The following ATP8A2 variants were observed in gnomAD, a reference collection of about 807,000 sequenced individuals.
ATP8A2 encodes phospholipid-transporting ATPase IB.
ATP8A2 carries 100 observed loss-of-function variants against 165.6 expected under a neutral mutation model. That is an observed-to-expected ratio of 0.60 (90% CI 0.51 to 0.71). The LOEUF (loss-of-function observed/expected upper bound fraction) is 0.71. ATP8A2 is among the 30% of genes least tolerant of loss of function. ATP8A2 has a pLI of 0.00. For synonymous variants in ATP8A2, 543 were observed against 548.8 expected, an observed-to-expected ratio of 0.99 and a Z score of 0.15; for missense variants, 1,227 against 1,479.5, an observed-to-expected ratio of 0.83 and a Z score of 2.80.
intron 16 of ATP8A2, chr13:25,567,332 TC>T: frequency 2.2e-6 from 1 of 456,760 alleles, no homozygotes. Flanking sequence ...CACTGCTTTT[TC>T]CTGACTCCTC....
chr13:25,640,025 G>T (rs1353498770), intron 24 of ATP8A2, among the ~76,000 whole-genome samples: 2 of 152,094 alleles, frequency 1.3e-5, no homozygotes, highest in African/African-American at 4.8e-5. Context: ...ACAAAATGAA[G>T]GCAGAAATAA....
rs148105277 is a variant in ATP8A2, at chr13:25,977,071, G to A, written c.3377+8392G>A. 9.5e-3 allele frequency among the ~76,000 whole-genome samples: 973 copies of A among 102,370 alleles called. 12 individuals carry two copies. The highest frequency in any genetic ancestry group is 0.036 in the African/African-American group (945 of 26,072). 67.2% of individuals were successfully genotyped at this position (102,370 alleles called of 152,430 possible). A position where few individuals can be genotyped will look rare whatever the true frequency, so the allele number is the denominator to read the frequency against. ...CCTTCCCTGCCCTCGGCCTCCTAAA[G>A]TGCTAGGATTACAGGCATGAACCAC... On this transcript the variant is annotated intron_variant, in intron 35 of 36. Transcript: ENST00000381655.
chr13:25,899,393 T>A (rs1386880414), intron 33 of ATP8A2, among the ~76,000 whole-genome samples: 1 of 152,222 alleles, frequency 6.6e-6, no homozygotes, highest in South Asian at 2.1e-4. Context: ...AAATTGAGAA[T>A]ATAGAACCTG....
intron 33 of ATP8A2, among the ~76,000 whole-genome samples, chr13:25,937,613 G>A (rs1188718356): frequency 1.3e-5 from 2 of 151,086 alleles, no homozygotes; most frequent in Non-Finnish European, 3.0e-5. Flanking sequence ...ACTTTGGGAG[G>A]CTGAGGCTGG....
chr13:25,631,779 G>A (rs1392233361), intron 24 of ATP8A2, among the ~76,000 whole-genome samples: 1 of 152,116 alleles, frequency 6.6e-6, no homozygotes, highest in Non-Finnish European at 1.5e-5. Flanking sequence ...ACTTCTTGCA[G>A]CTTTACATAG....
chr13:25,489,294 A>C (rs2036448110), intron 2 of ATP8A2, among the ~76,000 whole-genome samples: 1 of 151,996 alleles, frequency 6.6e-6, no homozygotes, highest in South Asian at 2.1e-4. Context: ...TGCAGCCTTT[A>C]ATCACGGCAC....
chr13:25,440,456 C>T (rs1385169550), intron 1 of ATP8A2, among the ~76,000 whole-genome samples: 1 of 152,154 alleles, frequency 6.6e-6, no homozygotes, highest in East Asian at 1.9e-4. Context: ...GCCAGGTGAA[C>T]TAGAACAGGA....
chr13:25,435,576 G>A (rs1593303651), intron 1 of ATP8A2, among the ~76,000 whole-genome samples: 1 of 152,100 alleles, frequency 6.6e-6, no homozygotes, highest in African/African-American at 2.4e-5. Context: ...CTTCTCAGGT[G>A]TAAATGTCAC....
chr13:25,740,186 G>C lies in ATP8A2; in HGVS notation c.2385-28860G>C, dbSNP rs550034847. ...TAGCTAGGCGTGGTGGTGGGCGCCT[G>C]TAGTCCCAGCTTCTCAGGAGGCTGA... is the stretch of plus-strand genomic sequence containing the variant. On this transcript the variant is annotated intron_variant, in intron 25 of 36. Transcript: ENST00000381655. 5.9e-5 allele frequency among the ~76,000 whole-genome samples: 9 copies of C among 152,000 alleles called. No homozygotes were observed. In the South Asian group the frequency reaches 1.9e-3, roughly 32 times the overall value.
rs1015244760 is a variant in ATP8A2, at chr13:25,612,100, T to C, written c.2211+22401T>C. ...TTCAAAGAACCAGCTTTTCATTTCA[T>C]TTATCTTTTGTATTTTTTTGTTTCA... On this transcript the variant is annotated intron_variant, in intron 24 of 36. Transcript: ENST00000381655. Among the ~76,000 whole-genome samples the C allele has an allele frequency of 6.0e-4, 92 of 152,278 alleles. 1 individual carries two copies. The highest frequency in any genetic ancestry group is 2.1e-3 in the African/African-American group (88 of 41,584).
Position 25,607,708 on chromosome 13 carries a change from A to G in ATP8A2, c.2211+18009A>G, listed in dbSNP as rs543373122. ...TATTTCTGAAACAGTGTTTTTAAAA[A>G]TGTTAACAAGCATTTTTGGGAGAAT... On this transcript the variant is annotated intron_variant, in intron 24 of 36. Transcript: ENST00000381655. Among the ~76,000 whole-genome samples the G allele has an allele frequency of 3.3e-5, 5 of 152,332 alleles. No individual in the cohort carries two copies. In the East Asian group the frequency reaches 9.6e-4, roughly 29 times the overall value.
chr13:25,916,225 T>C (rs1046698655), intron 33 of ATP8A2, among the ~76,000 whole-genome samples: 1 of 152,226 alleles, frequency 6.6e-6, no homozygotes, highest in Non-Finnish European at 1.5e-5. Flanking sequence ...TAAATATGCC[T>C]TTGAACAGGC....
intron 27 of ATP8A2, among the ~76,000 whole-genome samples, chr13:25,794,860 C>CACACA (rs1566145784): frequency 2.0e-5 from 3 of 148,542 alleles, no homozygotes; most frequent in East Asian, 2.0e-4. Context: ...CACACACACA[C>CACACA]CTTCTCTCTC....
intron 25 of ATP8A2, among the ~76,000 whole-genome samples, chr13:25,736,571 A>C (rs763618284): frequency 2.0e-5 from 3 of 152,186 alleles, no homozygotes; most frequent in Non-Finnish European, 4.4e-5. Context: ...GGTCAGTGTA[A>C]CTTTTCTGTA....
chr13:25,984,621 C>A (rs7988051), intron 35 of ATP8A2, among the ~76,000 whole-genome samples: 32,312 of 147,758 alleles, frequency 0.22, 4,280 homozygotes, highest in East Asian at 0.55. Flanking sequence ...CAAACAAAAA[C>A]AACAAACAAA....
At chr13:25,476,704 T>C (rs1049412453) in intron 2 of ATP8A2, among the ~76,000 whole-genome samples, 2 of 152,258 alleles carry the variant, frequency 1.3e-5, no homozygotes, top group Non-Finnish European at 2.9e-5. Flanking sequence ...AAGTATTCCT[T>C]ATCAAGAGTA....
At chr13:25,476,013 CTTAAGT>C (rs1214987883) in intron 2 of ATP8A2, among the ~76,000 whole-genome samples, 4 of 152,092 alleles carry the variant, frequency 2.6e-5, no homozygotes, top group Admixed American at 1.3e-4. Flanking sequence ...TGCAGAAGCC[CTTAAGT>C]TTAATTAGAT....
intron 1 of ATP8A2, among the ~76,000 whole-genome samples, chr13:25,430,301 TG>T (rs1205163206): frequency 1.3e-5 from 2 of 150,946 alleles, no homozygotes; most frequent in Non-Finnish European, 3.0e-5. Flanking sequence ...GGGATGGACA[TG>T]GGGGGGCCCG....
intron 30 of ATP8A2, among the ~76,000 whole-genome samples, chr13:25,851,466 C>T (rs760508810): frequency 1.3e-5 from 2 of 151,946 alleles, no homozygotes; most frequent in Non-Finnish European, 2.9e-5. Flanking sequence ...ACCTGTAATC[C>T]CAGCTACCCG....
Sources: gnomAD v4.1 joint callset for allele counts (sites outside exome capture counted in the v4.1 genomes callset) on GRCh38, gnomAD v4.1.1 for gene constraint, MANE v1.5 for transcripts, NCBI Gene and HGNC (gene_info 2026-07-23, HGNC 2026-07-21) for gene names.